Variants in PHF24 observed in about 807,000 individuals in gnomAD.
The protein encoded by PHF24 is PHD finger protein 24, also known as Galpha inhibitory interacting protein.
In PHF24, 25 loss-of-function variants were observed where a neutral mutation model predicts 42.6. That is an observed-to-expected ratio of 0.59 (90% CI 0.43 to 0.82). The LOEUF is 0.82. Ranked by LOEUF, PHF24 falls within the 40% of genes least tolerant of loss-of-function variation. The pLI, the probability that PHF24 is intolerant of heterozygous loss-of-function variation, is 0.00. For missense variants in PHF24, 470 were observed against 538.1 expected, an observed-to-expected ratio of 0.87 and a Z score of 1.25; for synonymous variants, 185 against 204.8, an observed-to-expected ratio of 0.90 and a Z score of 0.83.
chr9:34,923,037 AGTTTT>A, the PHF24 span: 2 of 443,008 alleles, frequency 4.5e-6, no homozygotes, highest in African/African-American at 4.5e-5. Context: ...CAGTTTTTTA[AGTTTT>A]GTTTTTGTTT....
chr9:34,787,248 A>G, the PHF24 span, among the ~76,000 whole-genome samples: 2 of 152,174 alleles, frequency 1.3e-5, no homozygotes, highest in Non-Finnish European at 2.9e-5. Context: ...TAAATTTTTC[A>G]AACAAGATCA....
chr9:34,975,437 A>G (rs1199703788), intron 3 of PHF24, among the ~76,000 whole-genome samples: 2 of 152,264 alleles, frequency 1.3e-5, no homozygotes, highest in Non-Finnish European at 2.9e-5. Flanking sequence ...ATGAATACTC[A>G]TGAAATATCT....
intron 1 of PHF24, among the ~76,000 whole-genome samples, chr9:34,970,577 G>A (rs909610706): frequency 6.6e-6 from 1 of 152,178 alleles, no homozygotes; most frequent in Non-Finnish European, 1.5e-5. Flanking sequence ...TTAAAAAGTA[G>A]GCATTTGATG....
At chr9:34,864,492 G>A in the PHF24 span, among the ~76,000 whole-genome samples, 2 of 152,106 alleles carry the variant, frequency 1.3e-5, no homozygotes, top group East Asian at 3.9e-4. Flanking sequence ...AGAGTGGCAT[G>A]ACATAAAGTG....
chr9:34,925,314 A>G, the PHF24 span, among the ~76,000 whole-genome samples: 246 of 152,324 alleles, frequency 1.6e-3, 1 homozygote, highest in African/African-American at 5.6e-3. Context: ...CAATTTGACT[A>G]TAATGTTCCT....
the PHF24 span, among the ~76,000 whole-genome samples, chr9:34,896,228 G>C: frequency 2.6e-5 from 4 of 152,190 alleles, no homozygotes; most frequent in Admixed American, 6.5e-5. Context: ...ATAGAGGATA[G>C]GGCAAGCATC....
At chr9:34,689,654 G>A in the PHF24 span, 8 of 747,186 alleles carry the variant, frequency 1.1e-5, no homozygotes, top group South Asian at 6.8e-5. This position sits in a 1 kb window ranked among gnomAD's most constrained non-coding sequence, Gnocchi z 4.1. Flanking sequence ...TCACCCTCTC[G>A]CTCACACTCA....
chr9:34,831,345 T>C, the PHF24 span, among the ~76,000 whole-genome samples: 1 of 151,938 alleles, frequency 6.6e-6, no homozygotes, highest in African/African-American at 2.4e-5. Context: ...ATTTAAGGAG[T>C]AAGGATCATG....
chr9:34,917,254 G>A, the PHF24 span: 93 of 1,164,496 alleles, frequency 8.0e-5, no homozygotes, highest in African/African-American at 5.0e-4. Context: ...GAGAAAGTCC[G>A]GGTCATGTAT....
At chr9:34,836,085 G>A in the PHF24 span, 1 of 538,324 alleles carries the variant, frequency 1.9e-6, no homozygotes, top group Non-Finnish European at 3.7e-6. Context: ...CATTAATGAT[G>A]GAGTAGCATC....
the PHF24 span, among the ~76,000 whole-genome samples, chr9:34,687,328 G>T: frequency 6.6e-6 from 1 of 152,198 alleles, no homozygotes; most frequent in Non-Finnish European, 1.5e-5. Context: ...GCAAGACTTT[G>T]TGGGGTGTCT....
the PHF24 span, chr9:34,834,543 G>A: frequency 6.4e-7 from 1 of 1,551,368 alleles, no homozygotes; most frequent in South Asian, 1.2e-5. Flanking sequence ...TTCCGGGCAT[G>A]CTCCGGGAAG....
At chr9:34,874,510 G>A in the PHF24 span, among the ~76,000 whole-genome samples, 2 of 152,090 alleles carry the variant, frequency 1.3e-5, no homozygotes, top group Admixed American at 1.3e-4. Flanking sequence ...TTTGAGATTT[G>A]TTGCTCCAGA....
the PHF24 span, chr9:34,895,889 C>T: frequency 2.5e-6 from 1 of 395,016 alleles, no homozygotes; most frequent in East Asian, 3.6e-5. Context: ...GCATCACAGA[C>T]CTTTATTTGT....
chr9:34,738,855 C>G, the PHF24 span, among the ~76,000 whole-genome samples: 2 of 152,148 alleles, frequency 1.3e-5, no homozygotes, highest in South Asian at 2.1e-4. Flanking sequence ...CCTAGAGCAG[C>G]CATTTGTGGT....
chr9:34,958,151 C>A (rs1303780059), upstream of PHF24, among the ~76,000 whole-genome samples: 13 of 147,910 alleles, frequency 8.8e-5, no homozygotes, highest in Non-Finnish European at 1.2e-4. The surrounding 1 kb of genome is among the most constrained non-coding windows in gnomAD (Gnocchi z 4.5). Context: ...GCGCGCCCAC[C>A]GGCCGGCCCA....
the PHF24 span, chr9:34,895,517 G>A: frequency 2.5e-6 from 1 of 398,488 alleles, no homozygotes; most frequent in Non-Finnish European, 4.4e-6. Context: ...ACAAGAGAAA[G>A]CTCGGGGATA....
At chr9:34,929,205 TA>T in the PHF24 span, among the ~76,000 whole-genome samples, 1 of 152,228 alleles carries the variant, frequency 6.6e-6, no homozygotes, top group Non-Finnish European at 1.5e-5. Context: ...TGCTTCTTTT[TA>T]TTTCACCTCC....
intron 1 of PHF24, among the ~76,000 whole-genome samples, chr9:34,959,330 G>A (rs1413928447): frequency 6.6e-6 from 1 of 152,160 alleles, no homozygotes; most frequent in African/African-American, 2.4e-5. Flanking sequence ...CAGTATACTA[G>A]GTATGTTTAA....
Sources: gnomAD v4.1 joint callset for allele counts (sites outside exome capture counted in the v4.1 genomes callset) on GRCh38, gnomAD v4.1.1 for gene constraint, Gnocchi (gnomAD v3.1) non-coding constraint, MANE v1.5 for transcripts, NCBI Gene and HGNC (gene_info 2026-07-23, HGNC 2026-07-21) for gene names.